The following AFAP1 variants were observed in gnomAD, a reference collection of about 807,000 sequenced individuals.
The protein encoded by AFAP1 is actin filament-associated protein 1.
In AFAP1, 75 loss-of-function variants were observed where a neutral mutation model predicts 93.9. The observed-to-expected ratio is 0.80, with a 90% CI of 0.66 to 0.97. The LOEUF is 0.97. Among genes scored for constraint, AFAP1 ranks in the 50% least tolerant of loss-of-function variants. The pLI is 0.00. For missense variants in AFAP1, 1,201 were observed against 1,050.8 expected, an observed-to-expected ratio of 1.14 and a Z score of -1.98; for synonymous variants, 517 against 430.7, an observed-to-expected ratio of 1.20 and a Z score of -2.48.
intron 6 of AFAP1, among the ~76,000 whole-genome samples, chr4:7,826,806 C>T (rs1255550886): frequency 6.6e-6 from 1 of 152,102 alleles, no homozygotes; most frequent in Non-Finnish European, 1.5e-5. Context: ...GGGTAGGAGG[C>T]GGGCACACCC....
chr4:7,801,404 G>C (rs1474783126), intron 9 of AFAP1, among the ~76,000 whole-genome samples: 3 of 151,622 alleles, frequency 2.0e-5, no homozygotes, highest in African/African-American at 4.9e-5. Flanking sequence ...AGGAGTGGTA[G>C]AATGACAGGA....
intron 10 of AFAP1, among the ~76,000 whole-genome samples, chr4:7,794,053 G>A (rs1476677425): frequency 6.6e-6 from 1 of 152,180 alleles, no homozygotes; most frequent in African/African-American, 2.4e-5. Flanking sequence ...AAACTCTGAG[G>A]TCCTAAACTG....
At chr4:7,862,612 C>T (rs941564705) in intron 3 of AFAP1, among the ~76,000 whole-genome samples, 1 of 152,084 alleles carries the variant, frequency 6.6e-6, no homozygotes, top group Non-Finnish European at 1.5e-5. Context: ...GGATATTTTA[C>T]CACAATAAAA....
intron 1 of AFAP1, among the ~76,000 whole-genome samples, chr4:7,881,090 C>T (rs766119523): frequency 2.6e-5 from 4 of 152,150 alleles, no homozygotes; most frequent in African/African-American, 4.8e-5. Flanking sequence ...CTTCAAATTT[C>T]TAACCCGCTA....
intron 1 of AFAP1, among the ~76,000 whole-genome samples, chr4:7,936,638 G>C (rs559027104): frequency 2.7e-5 from 4 of 149,538 alleles, no homozygotes; most frequent in Non-Finnish European, 4.4e-5. Context: ...CTGGAGTGCA[G>C]TGGTACAATA....
intron 1 of AFAP1, among the ~76,000 whole-genome samples, chr4:7,896,572 C>A (rs1718783907): frequency 7.5e-6 from 1 of 133,910 alleles, no homozygotes; most frequent in Non-Finnish European, 1.6e-5. Context: ...ACTCCCCACA[C>A]ACCCAGGGCT....
At chr4:7,895,121 G>A (rs1341888032) in intron 1 of AFAP1, among the ~76,000 whole-genome samples, 3 of 152,246 alleles carry the variant, frequency 2.0e-5, no homozygotes, top group Non-Finnish European at 4.4e-5. Context: ...ACTCCAGGAG[G>A]ATGTGATGAT....
At chr4:7,864,466 C>T (rs555034782) in intron 3 of AFAP1, among the ~76,000 whole-genome samples, 179 of 152,346 alleles carry the variant, frequency 1.2e-3, no homozygotes, top group Middle Eastern at 6.8e-3. Flanking sequence ...GACTAGCTGA[C>T]TTGCTGAATC....
At chr4:7,821,964 G>A (rs1404899595) in intron 6 of AFAP1, among the ~76,000 whole-genome samples, 3 of 152,210 alleles carry the variant, frequency 2.0e-5, no homozygotes, top group Admixed American at 2.0e-4. Context: ...TAATGCCGAG[G>A]TGTGGAAGCA....
At chr4:7,833,829 C>G (rs1711925720) in intron 6 of AFAP1, among the ~76,000 whole-genome samples, 1 of 152,178 alleles carries the variant, frequency 6.6e-6, no homozygotes, top group East Asian at 1.9e-4. Context: ...ACCTTGTGAT[C>G]TGCCTGCCTC....
intron 1 of AFAP1, among the ~76,000 whole-genome samples, chr4:7,873,442 G>A (rs1284137879): frequency 2.3e-5 from 3 of 128,494 alleles, no homozygotes; most frequent in Non-Finnish European, 4.7e-5. Context: ...TCCGCCTCCT[G>A]GGTTCATGCC....
chr4:7,936,815 T>G (rs921893260), intron 1 of AFAP1, among the ~76,000 whole-genome samples: 4 of 152,078 alleles, frequency 2.6e-5, no homozygotes, highest in Non-Finnish European at 5.9e-5. Context: ...TCTTCTAACC[T>G]CGTGATCTGC....
intron 17 of AFAP1, among the ~76,000 whole-genome samples, chr4:7,767,084 CCT>C (rs1173461261): frequency 1.3e-5 from 2 of 152,206 alleles, no homozygotes; most frequent in Non-Finnish European, 2.9e-5. Flanking sequence ...CCAGGGGTCC[CCT>C]GTCACTGTTC....
chr4:7,764,936 A>G (rs62291981), intron 17 of AFAP1, among the ~76,000 whole-genome samples: 138 of 152,138 alleles, frequency 9.1e-4, no homozygotes, highest in Non-Finnish European at 1.3e-3. Context: ...GGAGACCCCA[A>G]CTCTACAAAA....
At chr4:7,898,658 A>AG (rs1491101764) in intron 1 of AFAP1, among the ~76,000 whole-genome samples, 1 of 4,552 alleles carries the variant, frequency 2.2e-4, no homozygotes, top group African/African-American at 2.6e-4. Context: ...GAAAAAGAAG[A>AG]AAAAAAAAAA....
intron 14 of AFAP1, 72 bp downstream of exon 14, chr4:7,778,690 C>T: frequency 6.9e-7 from 1 of 1,450,208 alleles, no homozygotes; most frequent in South Asian, 1.1e-5. Flanking sequence ...CACGGGTGGG[C>T]AGGCTCAGAC....
At chr4:7,889,440 C>A (rs563281918) in intron 1 of AFAP1, among the ~76,000 whole-genome samples, 2 of 146,384 alleles carry the variant, frequency 1.4e-5, no homozygotes, top group South Asian at 4.4e-4. Flanking sequence ...CCCAGCTACT[C>A]GGGAGAGGAG....
At chr4:7,832,477 A>T (rs1409157507) in intron 6 of AFAP1, among the ~76,000 whole-genome samples, 2 of 152,102 alleles carry the variant, frequency 1.3e-5, no homozygotes, top group Non-Finnish European at 2.9e-5. Flanking sequence ...CCTGTGTAGT[A>T]TAAGACCTTC....
chr4:7,856,111 C>T (rs1016086276), intron 3 of AFAP1, among the ~76,000 whole-genome samples: 50 of 152,150 alleles, frequency 3.3e-4, no homozygotes, highest in Non-Finnish European at 1.5e-5. Context: ...TGAGGCTTGC[C>T]CACATTCTCA....
Sources: gnomAD v4.1 joint callset for allele counts (sites outside exome capture counted in the v4.1 genomes callset) on GRCh38, gnomAD v4.1.1 for gene constraint, MANE v1.5 for transcripts, NCBI Gene and HGNC (gene_info 2026-07-23, HGNC 2026-07-21) for gene names.